The following PPL variants were observed in gnomAD, a reference collection of about 807,000 sequenced individuals.
PPL encodes 190 kDa paraneoplastic pemphigus antigen.
PPL carries 198 observed loss-of-function variants against 194.4 expected under a neutral mutation model. That is an observed-to-expected ratio of 1.02 (90% confidence interval 0.91 to 1.15). The LOEUF is 1.15. PPL is among the 50% of genes most tolerant of loss of function. The probability of loss-of-function intolerance (pLI) is 0.00; values close to 1 mark genes in which losing one functional copy is unlikely to be tolerated. For synonymous variants in PPL, 1,220 were observed against 972.4 expected, an observed-to-expected ratio of 1.25 and a Z score of -4.74; for missense variants, 2,885 against 2,294.8, an observed-to-expected ratio of 1.26 and a Z score of -5.25.
At chr16:4,898,365 C>G (rs1031234121) in intron 8 of PPL, among the ~76,000 whole-genome samples, 8 of 152,200 alleles carry the variant, frequency 5.3e-5, no homozygotes, top group Middle Eastern at 3.4e-3. Context: ...GCAACAACAG[C>G]GAAACTCCAT....
In PPL at chr16:4,899,123, G is replaced by A. The variant is rs764455458; in HGVS notation, c.769-3C>T. The stretch of plus-strand genomic sequence containing the variant: ...TCCAGGTTCCGGTTGATGAAATTCT[G>A]CAGTGGGGGGCAGTGGAGGGGCCTC... On this transcript the variant is annotated splice_polypyrimidine_tract_variant and splice_region_variant and intron_variant, in intron 7 of 21. Coordinates refer to ENST00000345988, the MANE Select transcript of PPL (RefSeq NM_002705.5). 6.2e-7 allele frequency: 1 copy of A among 1,612,614 alleles called. No homozygotes were observed. Among genetic ancestry groups the A allele is most frequent in the Non-Finnish European group, 8.5e-7 (1 of 1,179,158 alleles).
chr16:4,909,868 C>G (rs1035396282), intron 2 of PPL, among the ~76,000 whole-genome samples: 2 of 152,184 alleles, frequency 1.3e-5, no homozygotes, highest in Non-Finnish European at 2.9e-5. Flanking sequence ...TTTCCTGCTA[C>G]TAAAACATGA....
In PPL at chr16:4,885,971, A is replaced by G. The variant is rs1272127055; in HGVS notation, c.2684T>C (p.Ile895Thr). ...PDSGVEEAWK[I>T]RKELDEETER... is the part of the protein sequence containing the mutation. Reference sequence around the variant, plus strand: ...AGTCTCCTCATCCAGTTCCTTCCTGATCTTCCACGCCTCCTCCACTCCAGA... The same window carrying G: ...AGTCTCCTCATCCAGTTCCTTCCTGGTCTTCCACGCCTCCTCCACTCCAGA... The change falls in exon 22 of 22, where the codon ATC (isoleucine) becomes ACC (threonine). Residue 895 changes from isoleucine (I) to threonine (T), a missense_variant. Transcript: ENST00000345988. This position sits in a 1 kb window ranked among gnomAD's most constrained non-coding sequence, Gnocchi z 6.3. 1 of 1,613,634 alleles carries G rather than the reference A, an allele frequency of 6.2e-7. No individual in the cohort carries two copies. Among genetic ancestry groups the G allele is most frequent in the Non-Finnish European group, 8.5e-7 (1 of 1,180,038 alleles).
chr16:4,896,639 G>GTTTTTT lies in PPL; in HGVS notation c.973-929_973-924dup, dbSNP rs1387761941. On this transcript the variant is annotated intron_variant, in intron 9 of 21. Coordinates refer to ENST00000345988, the MANE Select transcript of PPL (RefSeq NM_002705.5). ...CTTACTGCCTAATGAGTACGGGGTT[G>GTTTTTT]TTTTTTTTTTTTTTTTTTGAGGCGG... 3.1e-5 allele frequency among the ~76,000 whole-genome samples: 4 copies of GTTTTTT among 129,704 alleles called. 1 individual carries two copies. Among genetic ancestry groups the GTTTTTT allele is most frequent in the African/African-American group, 1.2e-4 (4 of 34,742 alleles). 85.1% of individuals were successfully genotyped at this position (129,704 alleles called of 152,430 possible).
chr16:4,900,113 G>C (rs1311862763), intron 6 of PPL, among the ~76,000 whole-genome samples: 1 of 152,156 alleles, frequency 6.6e-6, no homozygotes, highest in Admixed American at 6.6e-5. Flanking sequence ...GCTCCTTATA[G>C]CGACACAATG....
Position 4,888,139 on chromosome 16 carries a change from G to C in PPL, c.2477C>G (p.Ala826Gly). 6.2e-7 allele frequency: 1 copy of C among 1,613,854 alleles called. No individual in the cohort carries two copies. The highest frequency in any genetic ancestry group is 8.5e-7 in the Non-Finnish European group (1 of 1,179,760). The change falls in exon 20 of 22, where the codon GCC (alanine) becomes GGC (glycine). Residue 826 changes from alanine to glycine, a missense_variant. Coordinates refer to ENST00000345988, the MANE Select transcript of PPL (RefSeq NM_002705.5). Reference protein sequence around the residue: ...NGRRSHVSKRARLQSPATKVK... With the variant: ...NGRRSHVSKRGRLQSPATKVK... ...TTTGGTGGCAGGAGATTGGAGCCTG[G>C]CTCTCTTGCTCACGTGGCTTCTCCT...
intron 11 of PPL, 69 bp from the exon 12 acceptor site, chr16:4,894,687 T>C: frequency 1.3e-6 from 2 of 1,561,830 alleles, no homozygotes; most frequent in Non-Finnish European, 1.7e-6. Flanking sequence ...GGTTGCCATC[T>C]CAGCCCCCGA....
chr16:4,915,714 C>T lies in PPL; in HGVS notation c.63-4765G>A, dbSNP rs755126246. ...TCCACCATCGTAATATGAGCTAATA[C>T]TTACTCTCTACGTGCCAGGCTCCTC... On this transcript the variant is annotated intron_variant, in intron 1 of 21. Coordinates refer to ENST00000345988, the MANE Select transcript of PPL (RefSeq NM_002705.5). Among the ~76,000 whole-genome samples the T allele has an allele frequency of 2.0e-5, 3 of 152,310 alleles. No homozygotes were observed. The South Asian group carries it at 6.2e-4, about 32-fold the overall frequency.
intron 1 of PPL, among the ~76,000 whole-genome samples, chr16:4,927,004 C>G (rs1183308624): frequency 1.3e-5 from 2 of 151,692 alleles, no homozygotes; most frequent in Non-Finnish European, 2.9e-5. Flanking sequence ...TATACTCAAT[C>G]CAGTAAAAAC....
intron 20 of PPL, 54 bp downstream of exon 20, chr16:4,888,048 A>G (rs2142332628): frequency 1.5e-6 from 2 of 1,295,478 alleles, no homozygotes; most frequent in African/African-American, 1.5e-5. Flanking sequence ...CCTGGGGAGC[A>G]GGGCAGCTTG....
chr16:4,887,097 A>G (rs2088230705), intron 21 of PPL, 38 bp downstream of exon 21: 2 of 1,490,504 alleles, frequency 1.3e-6, no homozygotes, highest in African/African-American at 1.4e-5. Context: ...CACCTGTTAG[A>G]ACAGCCTGAA....
chr16:4,889,324 A>G (rs2734740), intron 18 of PPL, among the ~76,000 whole-genome samples: 137,345 of 145,252 alleles, frequency 0.95, 65,358 homozygotes, highest in East Asian at 1. Flanking sequence ...GCGCGATCTC[A>G]GCTCACTGCA....
chr16:4,917,310 T>C (rs1270304703), intron 1 of PPL, among the ~76,000 whole-genome samples: 1 of 151,972 alleles, frequency 6.6e-6, no homozygotes, highest in African/African-American at 2.4e-5. Context: ...ACGTGGTCTA[T>C]CTCTATTATT....
chr16:4,903,067 G>A (rs1179767516), intron 3 of PPL, among the ~76,000 whole-genome samples: 2 of 152,178 alleles, frequency 1.3e-5, no homozygotes, highest in Non-Finnish European at 2.9e-5. Flanking sequence ...AGAAAGTTCT[G>A]GAATAAGCAG....
intron 1 of PPL, among the ~76,000 whole-genome samples, chr16:4,922,848 C>T (rs529724547): frequency 6.6e-5 from 10 of 152,166 alleles, no homozygotes; most frequent in South Asian, 2.1e-4. Flanking sequence ...TGCCGGGGCA[C>T]GTGGAATTCA....
Position 4,937,061 on chromosome 16 carries a change from GC to G in PPL, c.-17del. 7.2e-7 allele frequency: 1 copy of G among 1,389,210 alleles called. No homozygotes were observed. The highest frequency in any genetic ancestry group is 1.8e-5 in the South Asian group (1 of 55,700). 86.1% of individuals were successfully genotyped at this position (1,389,210 alleles called of 1,614,324 possible). On this transcript the variant is annotated 5_prime_UTR_variant, in exon 1 of 22. Transcript: ENST00000345988. Reference sequence around the variant, plus strand: ...GCGAGTTCATGGTGGCGCTCGGGGTGCGGGCGGCGGCGGCTGGCGGGCCGGG... The same window carrying G: ...GCGAGTTCATGGTGGCGCTCGGGGTGGGGCGGCGGCGGCTGGCGGGCCGGG...
chr16:4,929,953 G>A (rs1041881940), intron 1 of PPL, among the ~76,000 whole-genome samples: 9 of 151,798 alleles, frequency 5.9e-5, no homozygotes, highest in Non-Finnish European at 8.8e-5. Context: ...CTCCCAAAGC[G>A]CTAGGACAAG....
intron 1 of PPL, among the ~76,000 whole-genome samples, chr16:4,913,093 G>C (rs1326333351): frequency 1.3e-5 from 2 of 151,402 alleles, no homozygotes; most frequent in East Asian, 1.9e-4. Context: ...AACAGAGCGA[G>C]ACTCCATCTC....
intron 1 of PPL, among the ~76,000 whole-genome samples, chr16:4,934,745 A>AC (rs1233436929): frequency 6.6e-6 from 1 of 151,356 alleles, no homozygotes; most frequent in East Asian, 1.9e-4. Context: ...TGTCCCCTCC[A>AC]CCCCCCCACC....
Sources: allele counts gnomAD v4.1 joint callset (sites outside exome capture counted in the v4.1 genomes callset), GRCh38; gene constraint gnomAD v4.1.1; non-coding constraint Gnocchi (gnomAD v3.1); transcripts MANE v1.5; gene names NCBI Gene and HGNC (gene_info 2026-07-23, HGNC 2026-07-21).